Variants in CFAP74 observed in about 807,000 individuals in gnomAD.
CFAP74 encodes the protein cilia- and flagella-associated protein 74.
In CFAP74, 124 loss-of-function variants were observed where a neutral mutation model predicts 188.9. The observed-to-expected ratio is 0.66, with a 90% CI of 0.57 to 0.76. The LOEUF (loss-of-function observed/expected upper bound fraction) is 0.76. Ranked by LOEUF, CFAP74 falls within the 30% of genes least tolerant of loss-of-function variation. The probability of loss-of-function intolerance (pLI) is 0.00; values close to 1 mark genes in which losing one functional copy is unlikely to be tolerated. For synonymous variants in CFAP74, 956 were observed against 916.7 expected (o/e 1.04, Z -0.77); for missense variants, 2,198 against 2,165.2 (o/e 1.02, Z -0.30).
At chr1:2,003,456 A>G (rs1658300936) in intron 1 of CFAP74, among the ~76,000 whole-genome samples, 1 of 152,170 alleles carries the variant, frequency 6.6e-6, no homozygotes, top group South Asian at 2.1e-4. Flanking sequence ...GTTTTTGTAA[A>G]TGTGTTATAA....
chr1:1,928,010 G>C (rs1164169129), intron 27 of CFAP74: 1 of 495,812 alleles, frequency 2.0e-6, no homozygotes. Context: ...GGCCAGAACC[G>C]GGGTCCCCAC....
In CFAP74 at chr1:1,946,368, G is replaced by T; in HGVS notation, c.2313C>A (p.Gly771=). 1 of 1,536,886 alleles carries T rather than the reference G, an allele frequency of 6.5e-7. No homozygotes were observed. The stretch of plus-strand genomic sequence containing the variant: ...TGACTTTGAACCTGGCTTGGACGTC[G>T]CCTGGGACGACCGGAGTGAAGACGA... ...VPIVFTPVVP[G]DVQARFKVTF... is the part of the protein sequence containing the mutation. Residue 771 remains glycine, a synonymous_variant, in exon 20 of 39, where the codon GGC becomes GGA. Transcript: ENST00000682832.
chr1:1,946,058 T>A, intron 20 of CFAP74, among the ~76,000 whole-genome samples: 1 of 151,320 alleles, frequency 6.6e-6, no homozygotes, highest in East Asian at 2.0e-4. Flanking sequence ...TGTGTGCATG[T>A]GTGCATGTGT....
At chr1:1,982,278 C>A (rs1301982076) in intron 6 of CFAP74, among the ~76,000 whole-genome samples, 1 of 105,556 alleles carries the variant, frequency 9.5e-6, no homozygotes, top group Non-Finnish European at 2.2e-5. Flanking sequence ...GACACCCAGC[C>A]GTGGTCACAC....
At chr1:2,001,361 G>A (rs1392203255) in intron 1 of CFAP74, among the ~76,000 whole-genome samples, 5 of 148,824 alleles carry the variant, frequency 3.4e-5, no homozygotes, top group South Asian at 2.1e-4. Context: ...ACGGAGTCTC[G>A]CTCTGTCGCC....
chr1:1,959,330 C>G, intron 15 of CFAP74, 121 bp from the exon 16 acceptor site: 1 of 648,676 alleles, frequency 1.5e-6, no homozygotes, highest in Non-Finnish European at 2.7e-6. Flanking sequence ...CTGCTCGATT[C>G]ACTGCAACCC....
At chr1:1,966,837 ATTT>A (rs756219387) in intron 11 of CFAP74, among the ~76,000 whole-genome samples, 2 of 135,670 alleles carry the variant, frequency 1.5e-5, no homozygotes, top group Non-Finnish European at 1.6e-5. Context: ...ATCTGTTCTC[ATTT>A]TTTTTTTTTT....
chr1:1,922,261 G>A lies in CFAP74; in HGVS notation c.*26C>T, dbSNP rs1283476130. On this transcript the variant is annotated 3_prime_UTR_variant, in exon 39 of 39. Coordinates refer to ENST00000682832, the MANE Select transcript of CFAP74 (RefSeq NM_001304360.2). ...GGAGGGCTTTGAGGGTGGACAGGAG[G>A]GCCCGAGGGTGCTCTGTGCAGAGGC... The A allele has an allele frequency of 8.9e-6, 14 of 1,573,758 alleles. No homozygotes were observed. The highest frequency in any genetic ancestry group is 1.2e-5 in the Non-Finnish European group (14 of 1,147,772).
At chr1:1,978,599 A>T (rs899445242) in intron 6 of CFAP74, among the ~76,000 whole-genome samples, 5 of 152,114 alleles carry the variant, frequency 3.3e-5, no homozygotes, top group Non-Finnish European at 5.9e-5. Flanking sequence ...TGGAGGAGGA[A>T]CGCAGGCAGC....
intron 18 of CFAP74, chr1:1,954,706 C>T (rs1570902150): frequency 2.9e-6 from 2 of 684,102 alleles, no homozygotes; most frequent in South Asian, 4.7e-5. Context: ...TTGCTTGAGC[C>T]CGGGAGGTCG....
At position 1,946,455 on chromosome 1, in the gene CFAP74, T is replaced by A. The variant is rs372339617; in HGVS notation, c.2242-16A>T. On this transcript the variant is annotated splice_polypyrimidine_tract_variant and intron_variant, in intron 19 of 38. Coordinates refer to ENST00000682832, the MANE Select transcript of CFAP74 (RefSeq NM_001304360.2). ...CTTCTGTTACCTGCACAGGAAGAGA[T>A]GCCATGGGGTCTGCCAGGCTTCATG... 14 of 1,524,564 alleles carry A rather than the reference T, an allele frequency of 9.2e-6. No individual in the cohort carries two copies. Among genetic ancestry groups the A allele is most frequent in the Non-Finnish European group, 1.2e-5 (14 of 1,139,102 alleles). 94.4% of individuals were successfully genotyped at this position (1,524,564 alleles called of 1,614,324 possible).
At position 1,946,993 on chromosome 1, in the gene CFAP74, C is replaced by G; in HGVS notation, c.2238G>C (p.Gly746=). 5.9e-6 allele frequency: 9 copies of G among 1,535,354 alleles called. No homozygotes were observed. The highest frequency in any genetic ancestry group is 2.4e-5 in the East Asian group (1 of 40,920). The change falls in exon 19 of 39, where the codon GGG becomes GGC. Residue 746 remains glycine, a synonymous_variant. Coordinates refer to ENST00000682832, the MANE Select transcript of CFAP74 (RefSeq NM_001304360.2). ...TTTAGGGCCTGAGCTGGCTGACCTC[C>G]CCCAGCGTGATCTCCGTCTGCTCTT... ...PSEEQTEITL[G]EVTEGEIGPF...
intron 6 of CFAP74, chr1:1,984,711 G>A (rs1401861581): frequency 6.6e-6 from 1 of 152,466 alleles, no homozygotes; most frequent in Non-Finnish European, 1.5e-5. Context: ...GCTCAGTGGT[G>A]TCTTCAGTGG....
chr1:1,971,865 G>A lies in CFAP74; in HGVS notation c.888+115C>T, dbSNP rs1008261718. 21 of 778,302 alleles carry A rather than the reference G, an allele frequency of 2.7e-5. 1 individual carries two copies. Among genetic ancestry groups the A allele is most frequent in the Middle Eastern group, 6.1e-4 (2 of 3,300 alleles). The allele number at this position is 778,302 out of a possible 1,614,324, so 48.2% of individuals were successfully genotyped here. A position where few individuals can be genotyped will look rare whatever the true frequency, so the allele number is the denominator to read the frequency against. ...GAAGCCTCCAGGGGTCACCAAGTGC[G>A]CGGGTCAGCCCTGGACGCCAGAGGA... On this transcript the variant is annotated intron_variant, in intron 9 of 38. Coordinates refer to ENST00000682832, the MANE Select transcript of CFAP74 (RefSeq NM_001304360.2).
intron 1 of CFAP74, among the ~76,000 whole-genome samples, chr1:1,993,909 G>A (rs867978838): frequency 1.0e-4 from 15 of 150,498 alleles, no homozygotes; most frequent in Middle Eastern, 3.2e-3. Flanking sequence ...GTGAACCCGG[G>A]AGGCGGAGCT....
rs750018064 is a variant in CFAP74 at position 1,986,946 on chromosome 1, G to A, written c.386C>T (p.Ala129Val). 1.7e-5 allele frequency: 27 copies of A among 1,600,998 alleles called. No individual in the cohort carries two copies. The highest frequency in any genetic ancestry group is 3.3e-4 in the Middle Eastern group (2 of 6,046). Residue 129 changes from alanine to valine, a missense_variant, in exon 5 of 39, where the codon GCG (alanine) becomes GTG (valine). Physicochemically the swap from Ala to Val is moderately conservative, Grantham distance 64 (BLOSUM62 0). Coordinates refer to ENST00000682832, the MANE Select transcript of CFAP74 (RefSeq NM_001304360.2). ...GGCGAGGGCCACCTACATGTTGCCC[G>A]CCTCTTCCTCTGTGGCGATCTCGGC... ...VAAEIATEEEAGNMAAVGRLQ... is the reference protein window; with the variant it reads ...VAAEIATEEEVGNMAAVGRLQ...
rs1296126283 is a variant in CFAP74, at chr1:1,940,371, A to G, written c.2648T>C (p.Phe883Ser). Residue 883 changes from phenylalanine (F) to serine (S), a missense_variant, in exon 23 of 39, where the codon TTT (phenylalanine) becomes TCT (serine). Phe to Ser is a radical substitution (Grantham distance 155). Coordinates refer to ENST00000682832, the MANE Select transcript of CFAP74 (RefSeq NM_001304360.2). ...HSLPEDAGRY[F>S]DKETRVLEAP... The stretch of plus-strand genomic sequence containing the variant: ...CTCCAGGACTCGGGTCTCCTTGTCA[A>G]AATACCTCCCTGCGTCCTCCGGGAG... The G allele has an allele frequency of 3.3e-6, 5 of 1,535,276 alleles. No homozygotes were observed. The African/African-American group carries it at 5.5e-5, about 17-fold the overall frequency.
At chr1:1,970,351 C>T (rs1029463183) in intron 10 of CFAP74, among the ~76,000 whole-genome samples, 1 of 152,178 alleles carries the variant, frequency 6.6e-6, no homozygotes, top group African/African-American at 2.4e-5. Flanking sequence ...CCAGTCCCTC[C>T]TTGTGAGAAG....
At chr1:1,995,359 G>A (rs1657860065) in intron 1 of CFAP74, among the ~76,000 whole-genome samples, 1 of 151,950 alleles carries the variant, frequency 6.6e-6, no homozygotes, top group South Asian at 2.1e-4. Context: ...GGGCGTGATG[G>A]CGCATCCCTG....
Sources: gnomAD v4.1 joint callset for allele counts (sites outside exome capture counted in the v4.1 genomes callset) on GRCh38, gnomAD v4.1.1 for gene constraint, MANE v1.5 for transcripts, NCBI Gene and HGNC (gene_info 2026-07-23, HGNC 2026-07-21) for gene names.